C10orf143: variants seen among roughly 807,000 people sequenced by gnomAD.
The protein encoded by C10orf143 is chromosome 10 open reading frame 143, also known as uncharacterized protein C10orf143.
Position 130,079,575 on chromosome 10 carries a change from T to C in C10orf143, c.288A>G (p.Ala96=). Residue 96 remains alanine, a synonymous_variant, in exon 3 of 4, where the codon GCA becomes GCG. Transcript: ENST00000637128. ...AGGTTAATGCACTTACAGATTCCCC[T>C]GCAATACATCTTGGGCAAGGCTGGG... is the stretch of plus-strand genomic sequence containing the variant. ...SSAQPCPRCI[A]GESGHFSHTK... The C allele has an allele frequency of 2.5e-6, 1 of 399,078 alleles. No homozygotes were observed. Among genetic ancestry groups the C allele is most frequent in the Non-Finnish European group, 4.4e-6 (1 of 226,070 alleles). 24.7% of individuals were successfully genotyped at this position (399,078 alleles called of 1,614,324 possible). A position where few individuals can be genotyped will look rare whatever the true frequency, so the allele number is the denominator to read the frequency against.
chr10:130,073,963 C>T (rs911975727), intron 3 of C10orf143, among the ~76,000 whole-genome samples: 3 of 152,172 alleles, frequency 2.0e-5, no homozygotes, highest in African/African-American at 7.2e-5. Flanking sequence ...CCATTCCCAG[C>T]TTATTCCCTC....
At chr10:130,062,983 AC>A, downstream of C10orf143, among the ~76,000 whole-genome samples, 1 of 146,420 alleles carries the variant, frequency 6.8e-6, no homozygotes, top group African/African-American at 2.4e-5. Context: ...CCTCCCCACC[AC>A]ACAGATGGGA....
At chr10:130,040,270 A>G (rs1436510771) in intron 3 of C10orf143, among the ~76,000 whole-genome samples, 1 of 152,160 alleles carries the variant, frequency 6.6e-6, no homozygotes, top group Non-Finnish European at 1.5e-5. Context: ...GTCCAGAAAG[A>G]GCACCGAGGA....
At chr10:130,101,864 C>CA (rs1564970414) in intron 1 of C10orf143, among the ~76,000 whole-genome samples, 2 of 24,182 alleles carry the variant, frequency 8.3e-5, no homozygotes, top group African/African-American at 1.7e-4. Context: ...AAAAAAAAAA[C>CA]CAAAAAAAAA....
intron 1 of C10orf143, chr10:130,107,719 A>G: frequency 8.0e-7 from 1 of 1,243,730 alleles, no homozygotes; most frequent in South Asian, 1.2e-5. Context: ...GAGGCTCAAG[A>G]GGCCCAGGGA....
chr10:130,109,022 C>T lies in C10orf143; in HGVS notation c.69+1682G>A, dbSNP rs935707885. Among the ~76,000 whole-genome samples, 8 of 152,290 alleles carry T rather than the reference C, an allele frequency of 5.3e-5. No individual in the cohort carries two copies. In the East Asian group the frequency reaches 1.5e-3, roughly 29 times the overall value. On this transcript the variant is annotated intron_variant, in intron 1 of 3. Transcript: ENST00000637128. The stretch of plus-strand genomic sequence containing the variant: ...GGGCTCAAGTCAACCCCTACAACAC[C>T]CTGGACTCCACTCTTCACATTACCC...
intron 1 of C10orf143, among the ~76,000 whole-genome samples, chr10:130,087,291 C>T (rs1000224646): frequency 2.0e-5 from 3 of 152,102 alleles, no homozygotes; most frequent in Admixed American, 2.0e-4. Context: ...TGTCAGCCTT[C>T]GCAAAGGCAG....
intron 3 of C10orf143, among the ~76,000 whole-genome samples, chr10:130,041,835 G>A (rs559332480): frequency 6.6e-5 from 9 of 136,224 alleles, no homozygotes; most frequent in East Asian, 4.2e-4. Context: ...ACACACACAT[G>A]CATGTACACA....
intron 3 of C10orf143, among the ~76,000 whole-genome samples, chr10:130,039,846 T>G (rs144798258): frequency 1.5e-3 from 224 of 152,264 alleles, no homozygotes; most frequent in African/African-American, 5.1e-3. Flanking sequence ...GAAAGCACAG[T>G]GGGTGACTAC....
At chr10:130,057,417 C>G (rs939977503) in intron 3 of C10orf143, among the ~76,000 whole-genome samples, 1 of 152,170 alleles carries the variant, frequency 6.6e-6, no homozygotes, top group Non-Finnish European at 1.5e-5. Flanking sequence ...TAGGACCACC[C>G]TGTCTTTCTA....
chr10:130,090,819 G>A (rs1331262027), intron 1 of C10orf143, among the ~76,000 whole-genome samples: 1 of 152,172 alleles, frequency 6.6e-6, no homozygotes, highest in Non-Finnish European at 1.5e-5. Context: ...GAACTGGGTG[G>A]AGCCCACCAC....
chr10:130,096,008 C>T (rs1470387469), intron 1 of C10orf143, among the ~76,000 whole-genome samples: 1 of 152,112 alleles, frequency 6.6e-6, no homozygotes, highest in African/African-American at 2.4e-5. Flanking sequence ...GAACAGGCAA[C>T]CTACAGAATG....
At chr10:130,062,048 C>T (rs544399175), downstream of C10orf143, among the ~76,000 whole-genome samples, 8 of 152,270 alleles carry the variant, frequency 5.3e-5, no homozygotes, top group East Asian at 1.5e-3. Context: ...TCTGTTCACA[C>T]GAGGCCAGAG....
At chr10:130,110,020 T>G (rs1020036578) in intron 1 of C10orf143, among the ~76,000 whole-genome samples, 17 of 150,470 alleles carry the variant, frequency 1.1e-4, no homozygotes, top group Non-Finnish European at 2.4e-4. Flanking sequence ...CTGCAGTACT[T>G]CTTTCAGTGC....
At chr10:130,040,111 T>C (rs1312183536) in intron 3 of C10orf143, among the ~76,000 whole-genome samples, 1 of 151,924 alleles carries the variant, frequency 6.6e-6, no homozygotes, top group Non-Finnish European at 1.5e-5. Flanking sequence ...GGAGCTGGGG[T>C]GGGAGTCATC....
intron 3 of C10orf143, among the ~76,000 whole-genome samples, chr10:130,069,131 C>A (rs191509963): frequency 2.6e-5 from 4 of 152,306 alleles, no homozygotes; most frequent in Non-Finnish European, 5.9e-5. Flanking sequence ...ACCAAAGAAT[C>A]TTGAACACAG....
At chr10:130,055,129 G>A (rs1267657135) in intron 3 of C10orf143, among the ~76,000 whole-genome samples, 2 of 152,054 alleles carry the variant, frequency 1.3e-5, no homozygotes, top group African/African-American at 2.4e-5. Context: ...GTGGGCTAAT[G>A]CCTAGCAAAC....
intron 3 of C10orf143, among the ~76,000 whole-genome samples, chr10:130,075,262 G>A (rs376934842): frequency 1.3e-5 from 2 of 152,128 alleles, no homozygotes; most frequent in Admixed American, 6.5e-5. Context: ...AAAAGGCAGC[G>A]AAGGAGCATT....
At chr10:130,048,795 T>C (rs534362360) in intron 3 of C10orf143, among the ~76,000 whole-genome samples, 4 of 152,222 alleles carry the variant, frequency 2.6e-5, no homozygotes, top group Non-Finnish European at 5.9e-5. Context: ...CTTGAACTCC[T>C]GGGCTCAAAC....
Sources: allele counts gnomAD v4.1 joint callset (sites outside exome capture counted in the v4.1 genomes callset), GRCh38; gene constraint gnomAD v4.1.1; transcripts MANE v1.5; gene names NCBI Gene and HGNC (gene_info 2026-07-23, HGNC 2026-07-21).